PPP1R1C: variants seen among roughly 807,000 people sequenced by gnomAD.
PPP1R1C encodes protein phosphatase 1 regulatory subunit 1C.
In PPP1R1C, 15 loss-of-function variants were observed where a neutral mutation model predicts 17.4. The observed-to-expected ratio is 0.86, with a 90% CI of 0.58 to 1.33. The LOEUF (loss-of-function observed/expected upper bound fraction) is 1.33. Ranked by LOEUF, PPP1R1C falls within the 40% of genes most tolerant of loss-of-function variation. PPP1R1C has a pLI of 0.00. For missense variants in PPP1R1C, 143 were observed against 130.0 expected (o/e 1.10, Z -0.48); for synonymous variants, 35 against 43.1 (o/e 0.81, Z 0.73).
chr2:182,100,683 A>G (rs1559093111), intron 4 of PPP1R1C, among the ~76,000 whole-genome samples: 1 of 152,190 alleles, frequency 6.6e-6, no homozygotes, highest in Non-Finnish European at 1.5e-5. Context: ...GCTGAACCTC[A>G]GGAAATAAAG....
intron 4 of PPP1R1C, among the ~76,000 whole-genome samples, chr2:182,112,980 CTT>C (rs1689484580): frequency 6.6e-6 from 1 of 152,090 alleles, no homozygotes; most frequent in Non-Finnish European, 1.5e-5. Context: ...TTTTTTGTAA[CTT>C]ATAGTACTCA....
chr2:182,068,610 T>C (rs1232882977), intron 4 of PPP1R1C, among the ~76,000 whole-genome samples: 1 of 152,188 alleles, frequency 6.6e-6, no homozygotes, highest in Admixed American at 6.5e-5. Flanking sequence ...CAAATGTGGC[T>C]TTTCCCTCAT....
intron 1 of PPP1R1C, 127 bp from the exon 2 acceptor site, chr2:181,987,712 G>T: frequency 1.2e-6 from 1 of 815,932 alleles, no homozygotes; most frequent in Non-Finnish European, 2.0e-6. Flanking sequence ...CACCTTCCAT[G>T]TGTCCTCCAG....
chr2:181,981,388 T>A (rs1160018590), upstream of PPP1R1C, among the ~76,000 whole-genome samples: 1 of 152,248 alleles, frequency 6.6e-6, no homozygotes, highest in East Asian at 1.9e-4. Flanking sequence ...GAGCTTAGTC[T>A]GGTAAGGCTT....
intron 2 of PPP1R1C, among the ~76,000 whole-genome samples, chr2:182,002,951 A>C (rs1685816028): frequency 8.4e-6 from 1 of 118,902 alleles, no homozygotes. Flanking sequence ...ACAACCCTGA[A>C]ATCCCCCAGA....
At position 181,988,352 on chromosome 2, in the gene PPP1R1C, T is replaced by C. The variant is rs192295353; in HGVS notation, c.142+453T>C. On this transcript the variant is annotated intron_variant, in intron 2 of 4. Coordinates refer to ENST00000682840, the MANE Select transcript of PPP1R1C (RefSeq NM_001080545.3). Reference sequence around the variant, plus strand: ...GTTGGCTTCAGCTTTGCTGATGACGTCATCTCTGAATAATGCAATTGACAA... The same window carrying C: ...GTTGGCTTCAGCTTTGCTGATGACGCCATCTCTGAATAATGCAATTGACAA... Among the ~76,000 whole-genome samples, 249 of 152,388 alleles carry C rather than the reference T, an allele frequency of 1.6e-3. 2 individuals carry two copies. Among genetic ancestry groups the C allele is most frequent in the African/African-American group, 5.8e-3 (242 of 41,602 alleles).
chr2:181,984,355 C>A (rs1364206463), upstream of PPP1R1C, among the ~76,000 whole-genome samples: 1 of 152,206 alleles, frequency 6.6e-6, no homozygotes, highest in East Asian at 1.9e-4. Flanking sequence ...TTTGTATTAA[C>A]TCCTCACTAA....
chr2:181,986,506 G>A (rs994175231), intron 1 of PPP1R1C, among the ~76,000 whole-genome samples: 1 of 151,838 alleles, frequency 6.6e-6, no homozygotes, highest in Non-Finnish European at 1.5e-5. Context: ...AACATTTAGA[G>A]CAACTTTTAA....
intron 2 of PPP1R1C, among the ~76,000 whole-genome samples, chr2:181,978,078 A>T (rs1685125441): frequency 6.6e-6 from 1 of 152,174 alleles, no homozygotes; most frequent in Non-Finnish European, 1.5e-5. Flanking sequence ...GAACAAAGGG[A>T]TGTCTTATAT....
In PPP1R1C at chr2:181,976,198, T is replaced by C. The variant is rs1476172762; in HGVS notation, n.157+934T>C. ...ATTTTTCACACATCACACACAAAAGTATAAGTAAGCGTGTATGTATATGTC... is the reference window on the plus strand; with the variant it reads ...ATTTTTCACACATCACACACAAAAGCATAAGTAAGCGTGTATGTATATGTC... On this transcript the variant is annotated intron_variant and non_coding_transcript_variant, in intron 2 of 5. Transcript: ENST00000464264. This position sits in a 1 kb window ranked among gnomAD's most constrained non-coding sequence, Gnocchi z 4.8. Among the ~76,000 whole-genome samples, 1 of 152,034 alleles carries C rather than the reference T, an allele frequency of 6.6e-6. No homozygotes were observed. The highest frequency in any genetic ancestry group is 1.5e-5 in the Non-Finnish European group (1 of 67,954).
chr2:182,064,887 GCAA>G (rs1687944206), intron 4 of PPP1R1C, among the ~76,000 whole-genome samples: 1 of 151,946 alleles, frequency 6.6e-6, no homozygotes, highest in African/African-American at 2.4e-5. Flanking sequence ...GCATGAATGG[GCAA>G]CAAGGAAAAA....
chr2:182,051,266 G>T (rs371449869), intron 2 of PPP1R1C, among the ~76,000 whole-genome samples: 13 of 152,178 alleles, frequency 8.5e-5, no homozygotes, highest in African/African-American at 3.1e-4. Context: ...CTTAAATGCT[G>T]ACCAGTGTTT....
chr2:182,108,851 G>A (rs1372152913), intron 4 of PPP1R1C, among the ~76,000 whole-genome samples: 2 of 152,080 alleles, frequency 1.3e-5, no homozygotes, highest in Non-Finnish European at 2.9e-5. Context: ...TTTTTTGTGT[G>A]GACATCAGTT....
intron 2 of PPP1R1C, among the ~76,000 whole-genome samples, chr2:182,032,327 T>A (rs924561341): frequency 1.3e-5 from 2 of 152,228 alleles, no homozygotes; most frequent in African/African-American, 4.8e-5. Context: ...GGTTTCTCAA[T>A]GAGACCTACC....
chr2:182,014,085 G>C (rs897459244), intron 2 of PPP1R1C, among the ~76,000 whole-genome samples: 4 of 152,150 alleles, frequency 2.6e-5, no homozygotes, highest in Admixed American at 1.3e-4. Flanking sequence ...GGATGGTCTT[G>C]ATGTTTGTTC....
intron 4 of PPP1R1C, among the ~76,000 whole-genome samples, chr2:182,087,469 T>C (rs935875145): frequency 1.3e-5 from 2 of 152,230 alleles, no homozygotes; most frequent in African/African-American, 4.8e-5. Flanking sequence ...ACAAATTTTA[T>C]CATTTACTTA....
At chr2:182,028,086 T>C (rs1437853455) in intron 2 of PPP1R1C, among the ~76,000 whole-genome samples, 2 of 139,346 alleles carry the variant, frequency 1.4e-5, no homozygotes, top group Non-Finnish European at 3.1e-5. Context: ...ATTGTGTCTA[T>C]TTGATTCTTC....
intron 4 of PPP1R1C, among the ~76,000 whole-genome samples, chr2:182,064,671 G>T (rs1687939216): frequency 1.3e-5 from 2 of 152,068 alleles, no homozygotes; most frequent in Non-Finnish European, 2.9e-5. Flanking sequence ...GCTACTTTCA[G>T]TAGACTTCCT....
intron 2 of PPP1R1C, among the ~76,000 whole-genome samples, chr2:182,058,138 T>G (rs1687744823): frequency 6.6e-6 from 1 of 152,144 alleles, no homozygotes; most frequent in African/African-American, 2.4e-5. Context: ...TGCCTTTTTT[T>G]CTGTTCCAGA....
Sources: gnomAD v4.1 joint callset for allele counts (sites outside exome capture counted in the v4.1 genomes callset) on GRCh38, gnomAD v4.1.1 for gene constraint, Gnocchi (gnomAD v3.1) non-coding constraint, MANE v1.5 for transcripts, NCBI Gene and HGNC (gene_info 2026-07-23, HGNC 2026-07-21) for gene names.